The following SAMD5 variants were observed in gnomAD, a reference collection of about 807,000 sequenced individuals.
SAMD5 encodes sterile alpha motif domain containing 5.
Under a neutral mutation model 11.3 loss-of-function variants are expected in SAMD5, and 13 were observed. The observed-to-expected ratio is 1.15, with a 90% CI of 0.75 to 1.83. The LOEUF (loss-of-function observed/expected upper bound fraction) is 1.83, where lower values mean the gene tolerates loss of function less well. Among genes scored for constraint, SAMD5 ranks in the 40% most tolerant of loss-of-function variants. The pLI is 0.00. For missense variants in SAMD5, 255 were observed against 239.1 expected (o/e 1.07, Z -0.44); for synonymous variants, 129 against 111.3 (o/e 1.16, Z -1.00).
the SAMD5 span, among the ~76,000 whole-genome samples, chr6:147,858,872 T>C: frequency 3.1e-4 from 47 of 152,322 alleles, no homozygotes; most frequent in South Asian, 1.2e-3. Flanking sequence ...CACTATTCTT[T>C]GGGAATACAG....
chr6:147,874,050 T>C, the SAMD5 span, among the ~76,000 whole-genome samples: 1 of 152,156 alleles, frequency 6.6e-6, no homozygotes, highest in African/African-American at 2.4e-5. Context: ...ATAGGAGAAA[T>C]CTGTCTCAGC....
intron 1 of SAMD5, among the ~76,000 whole-genome samples, chr6:147,637,133 C>T (rs75805033): frequency 0.011 from 1,627 of 152,246 alleles, 11 homozygotes; most frequent in Middle Eastern, 0.02. Flanking sequence ...GTTAGATGGC[C>T]GCCATTCTCT....
chr6:147,946,593 A>G, the SAMD5 span, among the ~76,000 whole-genome samples: 2 of 152,152 alleles, frequency 1.3e-5, no homozygotes, highest in African/African-American at 2.4e-5. Flanking sequence ...TGCATTTTTA[A>G]TTTAAGAATA....
chr6:147,824,793 A>C, the SAMD5 span, among the ~76,000 whole-genome samples: 373 of 152,322 alleles, frequency 2.4e-3, no homozygotes, highest in Non-Finnish European at 3.9e-3. Context: ...TTGTTACTTA[A>C]ATTACTAATG....
the SAMD5 span, among the ~76,000 whole-genome samples, chr6:147,765,957 T>C: frequency 3.3e-5 from 5 of 151,928 alleles, no homozygotes; most frequent in Non-Finnish European, 7.4e-5. Context: ...GGAAACAGGA[T>C]TTTTCAGGGA....
downstream of SAMD5, among the ~76,000 whole-genome samples, chr6:147,742,096 G>T (rs1791887554): frequency 6.6e-6 from 1 of 152,038 alleles, no homozygotes; most frequent in Non-Finnish European, 1.5e-5. Context: ...TGGCCTGTTT[G>T]TGTCATCAAT....
At chr6:147,929,507 C>G in the SAMD5 span, among the ~76,000 whole-genome samples, 2 of 151,964 alleles carry the variant, frequency 1.3e-5, no homozygotes, top group Non-Finnish European at 2.9e-5. Context: ...AACTAACATG[C>G]ATATATTTTT....
chr6:147,816,281 C>CAAA, the SAMD5 span, among the ~76,000 whole-genome samples: 36 of 27,798 alleles, frequency 1.3e-3, 2 homozygotes, highest in East Asian at 0.012. Flanking sequence ...ACTCCGTCTC[C>CAAA]AAAAAAAAAA....
At chr6:147,877,885 A>ACACACACACAC in the SAMD5 span, among the ~76,000 whole-genome samples, 1 of 44,298 alleles carries the variant, frequency 2.3e-5, no homozygotes, top group African/African-American at 6.1e-5. Flanking sequence ...CACACACGAT[A>ACACACACACAC]GATAGATAGC....
At chr6:147,924,116 G>C in the SAMD5 span, among the ~76,000 whole-genome samples, 1 of 152,200 alleles carries the variant, frequency 6.6e-6, no homozygotes, top group East Asian at 1.9e-4. Flanking sequence ...TGGCAATTTT[G>C]GTATATATGG....
the SAMD5 span, among the ~76,000 whole-genome samples, chr6:147,951,368 G>T: frequency 1.3e-5 from 2 of 151,922 alleles, no homozygotes; most frequent in East Asian, 3.9e-4. Flanking sequence ...TTTTAGTAGA[G>T]ACTGGGTTTC....
chr6:147,656,375 T>G (rs1050880498), intron 1 of SAMD5, among the ~76,000 whole-genome samples: 1 of 151,926 alleles, frequency 6.6e-6, no homozygotes, highest in African/African-American at 2.4e-5. Context: ...AGCAAAAAAT[T>G]GAAAACAAAC....
chr6:147,902,150 C>G, the SAMD5 span, among the ~76,000 whole-genome samples: 1 of 151,896 alleles, frequency 6.6e-6, no homozygotes, highest in Non-Finnish European at 1.5e-5. Context: ...GAAAAAAAAG[C>G]AATCATTCCT....
chr6:147,570,425 T>A (rs1789120214), downstream of SAMD5, among the ~76,000 whole-genome samples: 1 of 152,154 alleles, frequency 6.6e-6, no homozygotes, highest in Admixed American at 6.5e-5. Context: ...TGAAATGTGT[T>A]GTGATTCAAC....
chr6:147,877,001 G>A, the SAMD5 span, among the ~76,000 whole-genome samples: 1 of 152,062 alleles, frequency 6.6e-6, no homozygotes, highest in Non-Finnish European at 1.5e-5. Flanking sequence ...AGGCAGACAG[G>A]CCCCAGTGGA....
intron 1 of SAMD5, among the ~76,000 whole-genome samples, chr6:147,553,723 C>T (rs369176266): frequency 2.0e-5 from 3 of 152,090 alleles, no homozygotes; most frequent in South Asian, 4.1e-4. Context: ...GTGTTTCTTC[C>T]GAGTTCATTT....
At chr6:147,662,862 C>T (rs1351202005) in intron 1 of SAMD5, among the ~76,000 whole-genome samples, 1 of 152,186 alleles carries the variant, frequency 6.6e-6, no homozygotes, top group African/African-American at 2.4e-5. Flanking sequence ...ACTTTGACAC[C>T]TGCCACTTCA....
intron 1 of SAMD5, among the ~76,000 whole-genome samples, chr6:147,615,857 A>G (rs1411011505): frequency 6.6e-6 from 1 of 152,198 alleles, no homozygotes; most frequent in Admixed American, 6.5e-5. Context: ...AAATATACCA[A>G]AGACATAAAT....
Position 147,566,267 on chromosome 6 carries a change from T to C in SAMD5, c.*1811T>C. ...AAAGCTTTTAGTTTCATCAGGATTA[T>C]ATTCCAGTTAACCTTTCATCTTTTT... On this transcript the variant is annotated 3_prime_UTR_variant, in exon 2 of 2. Transcript: ENST00000367474. 1.0e-6 allele frequency: 1 copy of C among 979,436 alleles called. No homozygotes were observed. The highest frequency in any genetic ancestry group is 4.7e-5 in the South Asian group (1 of 21,138). The allele number at this position is 979,436 out of a possible 1,614,324, so 60.7% of individuals were successfully genotyped here. A position where few individuals can be genotyped will look rare whatever the true frequency, so the allele number is the denominator to read the frequency against.
Sources: allele counts gnomAD v4.1 joint callset (sites outside exome capture counted in the v4.1 genomes callset), GRCh38; gene constraint gnomAD v4.1.1; transcripts MANE v1.5; gene names NCBI Gene and HGNC (gene_info 2026-07-23, HGNC 2026-07-21).